The following SEC16A variants were observed in gnomAD, a reference collection of about 807,000 sequenced individuals.
The protein encoded by SEC16A is SEC16 homolog A, endoplasmic reticulum export factor, also known as protein transport protein Sec16A.
A neutral mutation model predicts 221.9 loss-of-function variants in SEC16A; 110 were observed. That is an observed-to-expected ratio of 0.50 (90% CI 0.42 to 0.58). The LOEUF (loss-of-function observed/expected upper bound fraction) is 0.58. Ranked by LOEUF, SEC16A falls within the 20% of genes least tolerant of loss-of-function variation. SEC16A has a pLI of 0.00. For synonymous variants in SEC16A, 1,393 were observed against 1,257.7 expected (o/e 1.11, Z -2.28); for missense variants, 3,165 against 3,097.8 (o/e 1.02, Z -0.52).
upstream of SEC16A, chr9:136,483,515 G>A: frequency 3.1e-6 from 3 of 974,822 alleles, no homozygotes; most frequent in South Asian, 4.8e-5. Context: ...CTCACCGCTT[G>A]GCCCCGCCCC....
chr9:136,475,778 G>A lies in SEC16A; in HGVS notation c.1838C>T (p.Pro613Leu), dbSNP rs371898934. Reference protein sequence around the residue: ...FQTSANSSFEPVKSHLVGVKP... With the variant: ...FQTSANSSFELVKSHLVGVKP... ...TACCCCAACTAAGTGAGATTTTACC[G>A]GTTCGAAAGAACTATTTGCACTTGT... Residue 613 changes from proline to leucine, a missense_variant, in exon 3 of 32, where the codon CCG becomes CTG. By Grantham distance (98) the Pro-to-Leu change is moderately conservative. Transcript: ENST00000684901. The surrounding 1 kb of genome is among the most constrained non-coding windows in gnomAD (Gnocchi z 5.0). The A allele has an allele frequency of 2.1e-5, 34 of 1,595,420 alleles. No homozygotes were observed. The highest frequency in any genetic ancestry group is 6.7e-5 in the African/African-American group (5 of 74,538).
chr9:136,445,449 CT>C (rs1836835760), intron 29 of SEC16A, among the ~76,000 whole-genome samples, 195 bp downstream of exon 29: 1 of 152,220 alleles, frequency 6.6e-6, no homozygotes, highest in African/African-American at 2.4e-5. Context: ...CCCTGCACCC[CT>C]CCTGGAGCTC....
chr9:136,482,711 G>A (rs746260205), intron 1 of SEC16A, among the ~76,000 whole-genome samples: 1 of 152,110 alleles, frequency 6.6e-6, no homozygotes, highest in Non-Finnish European at 1.5e-5. Context: ...TCAGTCCCTC[G>A]AGTCCCACGG....
At chr9:136,463,214 AC>A in intron 11 of SEC16A, 82 bp from the exon 12 acceptor site, 1 of 1,549,704 alleles carries the variant, frequency 6.5e-7, no homozygotes, top group Non-Finnish European at 8.7e-7. Context: ...ACAAAGCCCC[AC>A]CCTGGACACA....
rs907666470 is a variant in SEC16A at position 136,463,281 on chromosome 9, T to C, written c.4648-149A>G. 3.2e-5 allele frequency: 41 copies of C among 1,295,342 alleles called. No individual in the cohort carries two copies. In the African/African-American group the frequency reaches 5.4e-4, roughly 17 times the overall value. 80.2% of individuals were successfully genotyped at this position (1,295,342 alleles called of 1,614,324 possible). On this transcript the variant is annotated intron_variant, in intron 11 of 31. Coordinates refer to ENST00000684901, the MANE Select transcript of SEC16A (RefSeq NM_014866.2). ...AAGGCTGGGCTGAAACCTCATCCCA[T>C]CCCAACCGCACGTTCCCTCTCCCTC...
chr9:136,447,016 C>G lies in SEC16A; in HGVS notation c.6698-67G>C. ...CGTCCCTGGGGTCTCACTGAAGACA[C>G]TCCGAGAGGAAGAGAGTTTCACACT... is the stretch of plus-strand genomic sequence containing the variant. On this transcript the variant is annotated intron_variant, in intron 27 of 31. Coordinates refer to ENST00000684901, the MANE Select transcript of SEC16A (RefSeq NM_014866.2). This position sits in a 1 kb window ranked among gnomAD's most constrained non-coding sequence, Gnocchi z 5.5. 1 of 1,607,252 alleles carries G rather than the reference C, an allele frequency of 6.2e-7. No individual in the cohort carries two copies. The highest frequency in any genetic ancestry group is 8.5e-7 in the Non-Finnish European group (1 of 1,177,660).
At chr9:136,483,378 G>A, upstream of SEC16A, 1 of 132,202 alleles carries the variant, frequency 7.6e-6, no homozygotes, top group Non-Finnish European at 9.9e-6. Flanking sequence ...CTTTCGTCCC[G>A]CCCCCTTAGC....
At position 136,477,388 on chromosome 9, in the gene SEC16A, A is replaced by T. The variant is rs1215855614; in HGVS notation, c.228T>A (p.Pro76=). 1 of 1,614,030 alleles carries T rather than the reference A, an allele frequency of 6.2e-7. No individual in the cohort carries two copies. The highest frequency in any genetic ancestry group is 1.7e-5 in the Admixed American group (1 of 60,028). ...CTGCGGGGGCTGGGCCTTGCAAGAC[A>T]GGTGGACTGCTTTTGGACGAACTGC... is the stretch of plus-strand genomic sequence containing the variant. ...PLGSSSKSSP[P]VLQGPAPAGF... Residue 76 remains proline (P), a synonymous_variant, in exon 3 of 32, where the codon CCT becomes CCA. Coordinates refer to ENST00000684901, the MANE Select transcript of SEC16A (RefSeq NM_014866.2).
chr9:136,466,562 G>C lies in SEC16A; in HGVS notation c.3930-100C>G, dbSNP rs1473446057. 4.3e-6 allele frequency: 5 copies of C among 1,166,320 alleles called. No homozygotes were observed. Among genetic ancestry groups the C allele is most frequent in the Non-Finnish European group, 6.0e-6 (5 of 840,164 alleles). 72.2% of individuals were successfully genotyped at this position (1,166,320 alleles called of 1,614,324 possible). ...CCAGGAGCTGAGACCGAGACCCCTG[G>C]GGCCGAGGCACAACACAGCACACCC... On this transcript the variant is annotated intron_variant, in intron 6 of 31. Transcript: ENST00000684901. The surrounding 1 kb of genome is among the most constrained non-coding windows in gnomAD (Gnocchi z 5.5).
At chr9:136,462,794 G>C (rs529115832) in intron 12 of SEC16A, 93 bp downstream of exon 12, 31 of 1,446,326 alleles carry the variant, frequency 2.1e-5, no homozygotes, top group Admixed American at 4.3e-5. Context: ...CTCCCAAGAG[G>C]GGGCCACGTC....
chr9:136,474,964 A>G lies in SEC16A; in HGVS notation c.2652T>C (p.Ser884=). The change falls in exon 3 of 32, where the codon TCT becomes TCC. Residue 884 remains serine (S), a synonymous_variant. Coordinates refer to ENST00000684901, the MANE Select transcript of SEC16A (RefSeq NM_014866.2). ...CAGAGCTGGTTGGAATCCCAGACAA[A>G]GAAGTGTTCTCCCCAGAATCACCAC... is the stretch of plus-strand genomic sequence containing the variant. ...ALGGDSGENT[S]LSGIPTSSVL... The G allele has an allele frequency of 6.2e-7, 1 of 1,613,810 alleles. No homozygotes were observed. Among genetic ancestry groups the G allele is most frequent in the Non-Finnish European group, 8.5e-7 (1 of 1,179,872 alleles).
chr9:136,483,880 G>A, upstream of SEC16A: 1 of 884,066 alleles, frequency 1.1e-6, no homozygotes, highest in South Asian at 5.2e-5. Flanking sequence ...GCCTGGTTAC[G>A]GCGTGGCCGC....
At position 136,475,204 on chromosome 9, in the gene SEC16A, C is replaced by T; in HGVS notation, c.2412G>A (p.Gln804=). ...PPKMGEEEAL[Q]SQASSGYASL... is the part of the protein sequence containing the mutation. The stretch of plus-strand genomic sequence containing the variant: ...TTGCATAACCAGAACTCGCCTGGGA[C>T]TGAAGGGCCTCCTCCTCTCCCATTT... The change falls in exon 3 of 32, where the codon CAG becomes CAA. Residue 804 remains glutamine, a synonymous_variant. Coordinates refer to ENST00000684901, the MANE Select transcript of SEC16A (RefSeq NM_014866.2). The surrounding 1 kb of genome is among the most constrained non-coding windows in gnomAD (Gnocchi z 5.0). The T allele has an allele frequency of 6.2e-7, 1 of 1,613,788 alleles. No homozygotes were observed. The highest frequency in any genetic ancestry group is 1.1e-5 in the South Asian group (1 of 91,070).
Position 136,456,108 on chromosome 9 carries a change from G to T in SEC16A, c.5609C>A (p.Ser1870Tyr). ...AACCAGCCACGTGGGTGCGGCCAAGGACTCCTCTTCTGGCTTCTCTTTCAG... is the reference window on the plus strand; with the variant it reads ...AACCAGCCACGTGGGTGCGGCCAAGTACTCCTCTTCTGGCTTCTCTTTCAG... ...PQLKEKPEEESLAAPTWLVHL... is the reference protein window; with the variant it reads ...PQLKEKPEEEYLAAPTWLVHL... Residue 1870 changes from serine (S) to tyrosine (Y), a missense_variant, in exon 19 of 32, where the codon TCC becomes TAC. By Grantham distance (144) the Ser-to-Tyr change is moderately radical (BLOSUM62 -2). Around this residue, in one of 3 missense-constraint regions of SEC16A, gnomAD observed 1,088 missense variants for 1,089.6 expected, o/e 1.00. Transcript: ENST00000684901. 1 of 1,612,890 alleles carries T rather than the reference G, an allele frequency of 6.2e-7. No individual in the cohort carries two copies. The highest frequency in any genetic ancestry group is 8.5e-7 in the Non-Finnish European group (1 of 1,179,848).
rs866350811 is a variant in SEC16A at position 136,454,214 on chromosome 9, G to T, written c.5971C>A (p.Pro1991Thr). The change falls in exon 21 of 32, where the codon CCT becomes ACT. Residue 1991 changes from proline to threonine, a missense_variant. Physicochemically the swap from Pro to Thr is conservative, Grantham distance 38. This residue lies in a region of SEC16A where 1,088 missense variants were observed against 1,089.6 expected (regional missense o/e 1.00). Transcript: ENST00000684901. ...EPGPGCVTPG[P>T]ALGFLEPSGP... The stretch of plus-strand genomic sequence containing the variant: ...GAGGGCTCCAGGAAGCCAAGTGCAG[G>T]CCCTGGGGTCACACAGCCAGGACCC... The T allele has an allele frequency of 1.3e-6, 2 of 1,567,266 alleles. No individual in the cohort carries two copies. Among genetic ancestry groups the T allele is most frequent in the East Asian group, 2.3e-5 (1 of 42,574 alleles).
chr9:136,475,166 G>A lies in SEC16A; in HGVS notation c.2450C>T (p.Ser817Leu). Residue 817 changes from serine (S) to leucine (L), a missense_variant, in exon 3 of 32, where the codon TCA (serine) becomes TTA (leucine). Transcript: ENST00000684901. The surrounding 1 kb of genome is among the most constrained non-coding windows in gnomAD (Gnocchi z 5.0). ...ASSGYASLLS[S>L]PPTESLQNPP... ...ATTCTGCAGAGACTCAGTGGGCGGT[G>A]AGGATAATAAACTTGCATAACCAGA... is the stretch of plus-strand genomic sequence containing the variant. 6.2e-7 allele frequency: 1 copy of A among 1,613,868 alleles called. No homozygotes were observed. The highest frequency in any genetic ancestry group is 1.1e-5 in the South Asian group (1 of 91,060).
chr9:136,448,954 C>T (rs1837418576), intron 23 of SEC16A: 1 of 646,220 alleles, frequency 1.5e-6, no homozygotes, highest in Non-Finnish European at 2.8e-6. Flanking sequence ...GATGGCAACA[C>T]AACAGTGTGA....
At chr9:136,451,430 C>G in intron 22 of SEC16A, 22 bp from the exon 23 acceptor site, 1 of 1,571,954 alleles carries the variant, frequency 6.4e-7, no homozygotes, top group Non-Finnish European at 8.6e-7. Context: ...AAATGCAGAA[C>G]AGGCTCTCCT....
rs779354153 is a variant in SEC16A at position 136,449,311 on chromosome 9, C to T, written c.6313-1150G>A. ...TGTCCCCCAGGCTGGAGTGCAATGGCGCGATCTCGGCGCACTGCAACCTCT... is the reference window on the plus strand; with the variant it reads ...TGTCCCCCAGGCTGGAGTGCAATGGTGCGATCTCGGCGCACTGCAACCTCT... On this transcript the variant is annotated intron_variant, in intron 23 of 31. Coordinates refer to ENST00000684901, the MANE Select transcript of SEC16A (RefSeq NM_014866.2). Among the ~76,000 whole-genome samples the T allele has an allele frequency of 2.6e-5, 4 of 152,322 alleles. No homozygotes were observed. In the East Asian group the frequency reaches 7.7e-4, roughly 29 times the overall value.
Sources: gnomAD v4.1 joint callset for allele counts (sites outside exome capture counted in the v4.1 genomes callset) on GRCh38, gnomAD v4.1.1 for gene constraint, gnomAD v4.1.1 regional missense constraint, Gnocchi (gnomAD v3.1) non-coding constraint, MANE v1.5 for transcripts, NCBI Gene and HGNC (gene_info 2026-07-23, HGNC 2026-07-21) for gene names.